Variants in TRPM7 observed in about 807,000 individuals in gnomAD.
TRPM7 encodes LTRPC ion channel family member 7.
Under a neutral mutation model 229.7 loss-of-function variants are expected in TRPM7, and 134 were observed. The observed-to-expected ratio is 0.58, with a 90% confidence interval of 0.51 to 0.67. The LOEUF is 0.67. Among genes scored for constraint, TRPM7 ranks in the 30% least tolerant of loss-of-function variants. The pLI, the probability that TRPM7 is intolerant of heterozygous loss-of-function variation, is 0.00. For synonymous variants in TRPM7, 699 were observed against 715.2 expected, an observed-to-expected ratio of 0.98 and a Z score of 0.36; for missense variants, 1,901 against 2,210.0, an observed-to-expected ratio of 0.86 and a Z score of 2.80.
intron 3 of TRPM7, among the ~76,000 whole-genome samples, chr15:50,650,061 C>T (rs1484602987): frequency 2.0e-5 from 3 of 151,548 alleles, no homozygotes; most frequent in Non-Finnish European, 4.4e-5. Context: ...GGCATGGTGG[C>T]GCGTGCCTGT....
At chr15:50,610,588 G>T (rs2060039322) in intron 17 of TRPM7, among the ~76,000 whole-genome samples, 1 of 152,000 alleles carries the variant, frequency 6.6e-6, no homozygotes, top group Admixed American at 6.6e-5. Flanking sequence ...GTTCAAAGCA[G>T]TATCTATCAC....
At chr15:50,561,853 A>G in intron 38 of TRPM7, 45 bp from the exon 39 acceptor site, 1 of 1,475,170 alleles carries the variant, frequency 6.8e-7, no homozygotes, top group Non-Finnish European at 9.1e-7. Flanking sequence ...AAGAAAGAGA[A>G]AAGAAAAAAG....
chr15:50,680,202 C>G (rs1366679449), intron 1 of TRPM7, among the ~76,000 whole-genome samples: 1 of 151,208 alleles, frequency 6.6e-6, no homozygotes, highest in Admixed American at 6.6e-5. Context: ...CCACTGCACT[C>G]CAGCCTGGGT....
Position 50,686,513 on chromosome 15 carries a change from C to A in TRPM7, c.3+18G>T, listed in dbSNP as rs377765864. The A allele has an allele frequency of 6.2e-6, 10 of 1,613,790 alleles. No homozygotes were observed. The African/African-American group carries it at 9.3e-5, about 15-fold the overall frequency. On this transcript the variant is annotated intron_variant, in intron 1 of 38. Coordinates refer to ENST00000646667, the MANE Select transcript of TRPM7 (RefSeq NM_017672.6). ...ACCCCAGAACCATTCCCCGCCCGGG[C>A]CTGCGTGGGTCCAGTACCATTCTCC...
At chr15:50,679,897 A>T (rs959454807) in intron 1 of TRPM7, among the ~76,000 whole-genome samples, 96 of 152,050 alleles carry the variant, frequency 6.3e-4, no homozygotes, top group African/African-American at 2.2e-3. Context: ...GACTTTTCTA[A>T]TCTACTAAGG....
At chr15:50,671,245 T>C (rs8026493) in intron 1 of TRPM7, among the ~76,000 whole-genome samples, 14 of 152,098 alleles carry the variant, frequency 9.2e-5, no homozygotes, top group Admixed American at 2.0e-4. Context: ...CTACTCTCCA[T>C]CCAGAAATTG....
At chr15:50,582,630 T>A (rs1291060440) in intron 29 of TRPM7, among the ~76,000 whole-genome samples, 1 of 152,226 alleles carries the variant, frequency 6.6e-6, no homozygotes, top group Non-Finnish European at 1.5e-5. Context: ...AACATGATTT[T>A]AACAACATAA....
chr15:50,609,468 G>T, intron 19 of TRPM7, 113 bp downstream of exon 19: 1 of 1,029,518 alleles, frequency 9.7e-7, no homozygotes, highest in Non-Finnish European at 1.4e-6. Context: ...TTTTAAATGT[G>T]AAATGCCTTT....
intron 1 of TRPM7, among the ~76,000 whole-genome samples, chr15:50,676,997 A>C (rs1039283303): frequency 2.6e-5 from 4 of 152,204 alleles, no homozygotes; most frequent in African/African-American, 9.7e-5. Context: ...GACAGTTTGG[A>C]GTTTGAGTAC....
chr15:50,661,135 T>C lies in TRPM7; in HGVS notation c.83+1832A>G, dbSNP rs540034913. Among the ~76,000 whole-genome samples the C allele has an allele frequency of 3.3e-3, 505 of 152,066 alleles. 12 individuals carry two copies. The highest frequency in any genetic ancestry group is 7.8e-4 in the East Asian group (4 of 5,152). ...GGGATGACAGGTGCCCACTACCACG[T>C]CTGGCTAATTTTTGTATTTTTAGTA... On this transcript the variant is annotated intron_variant, in intron 2 of 38. Transcript: ENST00000646667.
intron 1 of TRPM7, among the ~76,000 whole-genome samples, chr15:50,666,390 G>T (rs2061880667): frequency 6.6e-6 from 1 of 152,008 alleles, no homozygotes; most frequent in South Asian, 2.1e-4. Flanking sequence ...GCAGCGAGCT[G>T]TGATCATGCC....
At position 50,596,240 on chromosome 15, in the gene TRPM7, G is replaced by T; in HGVS notation, c.3290+15C>A. The stretch of plus-strand genomic sequence containing the variant: ...TTAAATCATCTTATAACAAACAATT[G>T]AACAAAATTCTTACTTGAAAAATGC... On this transcript the variant is annotated intron_variant, in intron 23 of 38. Coordinates refer to ENST00000646667, the MANE Select transcript of TRPM7 (RefSeq NM_017672.6). 1 of 1,461,288 alleles carries T rather than the reference G, an allele frequency of 6.8e-7. No homozygotes were observed. Among genetic ancestry groups the T allele is most frequent in the South Asian group, 1.4e-5 (1 of 70,556 alleles). 90.5% of individuals were successfully genotyped at this position (1,461,288 alleles called of 1,614,324 possible).
intron 12 of TRPM7, among the ~76,000 whole-genome samples, chr15:50,623,257 C>T (rs1043077227): frequency 1.3e-5 from 2 of 151,356 alleles, no homozygotes; most frequent in African/African-American, 4.9e-5. Flanking sequence ...ACTAAAAACA[C>T]AAAAATTAGC....
At chr15:50,678,749 G>A (rs1210527738) in intron 1 of TRPM7, among the ~76,000 whole-genome samples, 1 of 151,992 alleles carries the variant, frequency 6.6e-6, no homozygotes, top group Non-Finnish European at 1.5e-5. Context: ...AAAACTTAAG[G>A]CCAGGTGCAG....
At chr15:50,568,200 T>C (rs563069316) in intron 38 of TRPM7, among the ~76,000 whole-genome samples, 216 of 148,252 alleles carry the variant, frequency 1.5e-3, no homozygotes, top group African/African-American at 5.1e-3. Flanking sequence ...GTTAACATCA[T>C]CTTAATGGTG....
At chr15:50,622,118 T>C (rs1355835951) in intron 12 of TRPM7, among the ~76,000 whole-genome samples, 1 of 152,188 alleles carries the variant, frequency 6.6e-6, no homozygotes, top group Non-Finnish European at 1.5e-5. Flanking sequence ...TTTATGTTAA[T>C]ATGGGATAAG....
At chr15:50,589,520 T>C (rs2140346879) in intron 27 of TRPM7, 72 bp downstream of exon 27, 1 of 1,096,580 alleles carries the variant, frequency 9.1e-7, no homozygotes, top group Non-Finnish European at 1.3e-6. Context: ...AAATGTTTAA[T>C]TAAATTTTGA....
intron 1 of TRPM7, among the ~76,000 whole-genome samples, chr15:50,683,243 A>G (rs1040673517): frequency 6.6e-6 from 1 of 152,026 alleles, no homozygotes; most frequent in African/African-American, 2.4e-5. Flanking sequence ...TAAAAAAAAA[A>G]AACTGCAATT....
rs1234645435 is a variant in TRPM7, at chr15:50,595,113, G to A, written c.3291-500C>T. 4.6e-5 allele frequency among the ~76,000 whole-genome samples: 7 copies of A among 152,110 alleles called. No individual in the cohort carries two copies. The South Asian group carries it at 1.2e-3, about 27-fold the overall frequency. ...AGCTACTCTGGAGGTGAGACAGGAG[G>A]GACTACTTGAGCCCAGATGGAAGAG... On this transcript the variant is annotated intron_variant, in intron 23 of 38. Transcript: ENST00000646667.
Sources: gnomAD v4.1 joint callset for allele counts (sites outside exome capture counted in the v4.1 genomes callset) on GRCh38, gnomAD v4.1.1 for gene constraint, MANE v1.5 for transcripts, NCBI Gene and HGNC (gene_info 2026-07-23, HGNC 2026-07-21) for gene names.